MSR1: variants seen among roughly 807,000 people sequenced by gnomAD.
MSR1 encodes macrophage scavenger receptor types I and II.
A neutral mutation model predicts 47.2 loss-of-function variants in MSR1; 53 were observed. That is an observed-to-expected ratio of 1.12 (90% confidence interval 0.90 to 1.41). The LOEUF (loss-of-function observed/expected upper bound fraction) is 1.41. Among genes scored for constraint, MSR1 ranks in the 40% most tolerant of loss-of-function variants. MSR1 has a pLI of 0.00. For synonymous variants in MSR1, 239 were observed against 185.6 expected (o/e 1.29, Z -2.34); for missense variants, 786 against 546.9 (o/e 1.44, Z -4.36).
At chr8:16,170,355 A>C (rs77339633) in intron 3 of MSR1, among the ~76,000 whole-genome samples, 60 of 130,922 alleles carry the variant, frequency 4.6e-4, no homozygotes, top group Non-Finnish European at 8.8e-4. Context: ...CTCAAAAAAA[A>C]AAAAACAAAA....
At chr8:16,153,316 C>A (rs1006650473) in intron 6 of MSR1, among the ~76,000 whole-genome samples, 3 of 151,966 alleles carry the variant, frequency 2.0e-5, no homozygotes, top group Non-Finnish European at 4.4e-5. Context: ...CAGAATGCAG[C>A]AAGACATCCA....
chr8:16,150,307 A>T lies in MSR1; in HGVS notation c.903T>A (p.Pro301=). The T allele has an allele frequency of 6.4e-7, 1 of 1,563,262 alleles. No homozygotes were observed. The highest frequency in any genetic ancestry group is 8.7e-7 in the Non-Finnish European group (1 of 1,150,082). The change falls in exon 7 of 10, where the codon CCT becomes CCA. Residue 301 remains proline, a synonymous_variant. Coordinates refer to ENST00000262101, the MANE Select transcript of MSR1 (RefSeq NM_138715.3). ...CTCCCCGATCACCTTTAAGACCCGGAGGACCTACATTATTAACGAAGAAAA... is the reference window on the plus strand; with the variant it reads ...CTCCCCGATCACCTTTAAGACCCGGTGGACCTACATTATTAACGAAGAAAA... The part of the protein sequence containing the change: ...GPRGFPGPIG[P]PGLKGDRGAI...
intron 1 of MSR1, among the ~76,000 whole-genome samples, chr8:16,179,769 C>T (rs931949118): frequency 3.4e-4 from 49 of 145,366 alleles, no homozygotes; most frequent in Admixed American, 4.2e-4. Context: ...CCCAGCTATT[C>T]GGGAGGCTGA....
intron 1 of MSR1, among the ~76,000 whole-genome samples, chr8:16,178,311 G>A (rs1801721282): frequency 7.0e-6 from 1 of 141,856 alleles, no homozygotes; most frequent in South Asian, 2.2e-4. Flanking sequence ...GTGACCATGT[G>A]TTCTCATTGT....
intron 1 of MSR1, among the ~76,000 whole-genome samples, chr8:16,181,691 C>G (rs1413530894): frequency 1.3e-5 from 2 of 151,742 alleles, no homozygotes; most frequent in Non-Finnish European, 2.9e-5. Flanking sequence ...AGAGAAATAC[C>G]TAATGTAAAT....
Position 16,120,567 on chromosome 8 carries a change from G to A in MSR1, c.1073C>T (p.Pro358Leu). The change falls in exon 9 of 10, where the codon CCT (proline) becomes CTT (leucine). Residue 358 changes from proline to leucine, a missense_variant. Transcript: ENST00000262101. ...TKVRLVGGSG[P>L]HEGRVEILHS... Reference sequence around the variant, plus strand: ...GAGTATCTCCACCCTCCCCTCGTGAGGGCCGCTCCCACCGACCAGTCGAAC... The same window carrying A: ...GAGTATCTCCACCCTCCCCTCGTGAAGGCCGCTCCCACCGACCAGTCGAAC... 2 of 1,606,886 alleles carry A rather than the reference G, an allele frequency of 1.2e-6. No homozygotes were observed. The highest frequency in any genetic ancestry group is 2.2e-5 in the South Asian group (2 of 90,846).
intron 3 of MSR1, among the ~76,000 whole-genome samples, chr8:16,172,888 C>G (rs1044294882): frequency 2.0e-5 from 3 of 152,036 alleles, no homozygotes; most frequent in Non-Finnish European, 2.9e-5. Context: ...ATTTGCCAAA[C>G]TTCTACCATT....
intron 1 of MSR1, among the ~76,000 whole-genome samples, chr8:16,180,727 T>C (rs945946488): frequency 6.6e-6 from 1 of 152,136 alleles, no homozygotes; most frequent in African/African-American, 2.4e-5. Context: ...GGCAGTGACA[T>C]GCAAGGATAT....
chr8:16,154,226 G>T (rs1327239113), intron 6 of MSR1, among the ~76,000 whole-genome samples: 1 of 151,910 alleles, frequency 6.6e-6, no homozygotes, highest in Non-Finnish European at 1.5e-5. Flanking sequence ...GAAGTACATG[G>T]TATTTAGACA....
At chr8:16,179,196 A>G (rs1199206270) in intron 1 of MSR1, among the ~76,000 whole-genome samples, 2 of 152,188 alleles carry the variant, frequency 1.3e-5, no homozygotes, top group Non-Finnish European at 2.9e-5. Context: ...CAGTAATTTA[A>G]TAGAGTAAAA....
chr8:16,114,125 C>A (rs188763962), intron 9 of MSR1, among the ~76,000 whole-genome samples: 1 of 151,942 alleles, frequency 6.6e-6, no homozygotes, highest in Admixed American at 6.6e-5. Context: ...ACTTGTGACC[C>A]TTTGATATAT....
At chr8:16,164,597 C>G (rs1489214755) in intron 4 of MSR1, among the ~76,000 whole-genome samples, 1 of 151,834 alleles carries the variant, frequency 6.6e-6, no homozygotes, top group Non-Finnish European at 1.5e-5. Flanking sequence ...AAAATGTCTT[C>G]GTACTGTACT....
At chr8:16,177,830 T>G in intron 2 of MSR1, 56 bp downstream of exon 2, 1 of 1,389,878 alleles carries the variant, frequency 7.2e-7, no homozygotes, top group Non-Finnish European at 1.0e-6. Context: ...TAATTTTATA[T>G]TTTGTCAATA....
chr8:16,121,953 G>A (rs1257768462), intron 8 of MSR1, among the ~76,000 whole-genome samples: 1 of 151,822 alleles, frequency 6.6e-6, no homozygotes, highest in Non-Finnish European at 1.5e-5. Flanking sequence ...GCTTATTACT[G>A]TTTTAACAGT....
intron 1 of MSR1, among the ~76,000 whole-genome samples, chr8:16,188,702 C>A (rs1188857703): frequency 6.6e-6 from 1 of 151,882 alleles, no homozygotes; most frequent in East Asian, 1.9e-4. Flanking sequence ...TGATGCTCCC[C>A]TCCCTGTGTC....
intron 1 of MSR1, among the ~76,000 whole-genome samples, chr8:16,179,070 C>G (rs1466843264): frequency 6.6e-6 from 1 of 152,082 alleles, no homozygotes; most frequent in Admixed American, 6.6e-5. Context: ...TATTTACAAA[C>G]ATGTATGTCT....
At chr8:16,139,339 G>T in intron 8 of MSR1, 2 of 966,038 alleles carry the variant, frequency 2.1e-6, no homozygotes, top group Non-Finnish European at 2.5e-6. Context: ...AGGACTTTAT[G>T]ATTTCACAGA....
intron 3 of MSR1, among the ~76,000 whole-genome samples, chr8:16,171,842 T>C (rs1234812093): frequency 6.6e-6 from 1 of 152,202 alleles, no homozygotes; most frequent in Non-Finnish European, 1.5e-5. Context: ...AACTATGGCG[T>C]TGGACAAGTT....
chr8:16,149,306 G>A (rs1185666789), intron 7 of MSR1, among the ~76,000 whole-genome samples: 2 of 152,090 alleles, frequency 1.3e-5, no homozygotes, highest in Admixed American at 6.6e-5. Flanking sequence ...TATGCTTTCT[G>A]TGCAGTTTTT....
Sources: allele counts gnomAD v4.1 joint callset (sites outside exome capture counted in the v4.1 genomes callset), GRCh38; gene constraint gnomAD v4.1.1; transcripts MANE v1.5; gene names NCBI Gene and HGNC (gene_info 2026-07-23, HGNC 2026-07-21).